SSBP2: variants seen among roughly 807,000 people sequenced by gnomAD.
The protein encoded by SSBP2 is single stranded DNA binding protein 2.
Under a neutral mutation model 61.8 loss-of-function variants are expected in SSBP2, and 17 were observed. The ratio of observed to expected loss-of-function variants is 0.28; its 90% confidence interval spans 0.19 to 0.41. The LOEUF is 0.41. Among genes scored for constraint, SSBP2 ranks in the 10% least tolerant of loss-of-function variants. The pLI, the probability that SSBP2 is intolerant of heterozygous loss-of-function variation, is 1.00. For missense variants in SSBP2, 310 were observed against 458.7 expected, an observed-to-expected ratio of 0.68 and a Z score of 2.96; for synonymous variants, 139 against 141.3, an observed-to-expected ratio of 0.98 and a Z score of 0.12.
At chr5:81,594,543 T>C (rs1394463547) in intron 4 of SSBP2, among the ~76,000 whole-genome samples, 1 of 152,206 alleles carries the variant, frequency 6.6e-6, no homozygotes, top group Non-Finnish European at 1.5e-5. Context: ...ATATACATTC[T>C]TTTCAGCACC....
intron 4 of SSBP2, among the ~76,000 whole-genome samples, chr5:81,576,450 A>G (rs1774223131): frequency 1.3e-5 from 2 of 152,080 alleles, no homozygotes; most frequent in South Asian, 4.1e-4. Context: ...TATCATTATT[A>G]TCCTTATTTT....
intron 5 of SSBP2, among the ~76,000 whole-genome samples, chr5:81,510,718 G>A (rs1167399766): frequency 6.6e-6 from 1 of 151,372 alleles, no homozygotes; most frequent in Non-Finnish European, 1.5e-5. Flanking sequence ...CCGAGATCAC[G>A]CCACTGCACT....
At chr5:81,654,137 AT>A (rs796636762) in intron 1 of SSBP2, among the ~76,000 whole-genome samples, 4 of 151,592 alleles carry the variant, frequency 2.6e-5, no homozygotes, top group African/African-American at 4.8e-5. Flanking sequence ...CTAATTTTTA[AT>A]TTTTTTGGTA....
intron 15 of SSBP2, among the ~76,000 whole-genome samples, chr5:81,434,719 G>GA (rs980612694): frequency 4.6e-4 from 67 of 147,072 alleles, no homozygotes; most frequent in African/African-American, 1.4e-3. Flanking sequence ...AAAATTACTC[G>GA]AAAAAAACAG....
chr5:81,602,754 T>C (rs10514221), intron 4 of SSBP2, among the ~76,000 whole-genome samples: 7,875 of 152,230 alleles, frequency 0.052, 378 homozygotes, highest in African/African-American at 0.12. Flanking sequence ...GCTGACACTT[T>C]AGATATTCTG....
chr5:81,581,188 T>C (rs928162442), intron 4 of SSBP2, among the ~76,000 whole-genome samples: 1 of 152,126 alleles, frequency 6.6e-6, no homozygotes. Flanking sequence ...AGAAGAACAG[T>C]GGGCAAGGTA....
At chr5:81,544,401 G>C (rs1015249476) in intron 4 of SSBP2, among the ~76,000 whole-genome samples, 1 of 152,052 alleles carries the variant, frequency 6.6e-6, no homozygotes, top group African/African-American at 2.4e-5. Flanking sequence ...AGGCAATCAG[G>C]CATCTTTTTA....
chr5:81,502,194 A>G (rs528627757), intron 5 of SSBP2, among the ~76,000 whole-genome samples: 1 of 152,210 alleles, frequency 6.6e-6, no homozygotes, highest in South Asian at 2.1e-4. Context: ...GCCACTAATG[A>G]CTTCCTTGTT....
intron 13 of SSBP2, 147 bp from the exon 14 acceptor site, chr5:81,440,783 CT>C: frequency 1.7e-6 from 1 of 594,984 alleles, no homozygotes; most frequent in South Asian, 2.2e-5. Flanking sequence ...GTTTTTCAGC[CT>C]TGTGGATTCT....
chr5:81,518,972 T>G (rs528507921), intron 4 of SSBP2, among the ~76,000 whole-genome samples: 3 of 152,172 alleles, frequency 2.0e-5, no homozygotes, highest in African/African-American at 7.2e-5. Flanking sequence ...TCATGCATGA[T>G]GCATTTAATA....
rs1486009518 is a variant in SSBP2 at position 81,413,380 on chromosome 5, A to G, written c.*7124T>C. The G allele has an allele frequency of 1.3e-5, 2 of 152,234 alleles. No homozygotes were observed. Among genetic ancestry groups the G allele is most frequent in the Admixed American group, 1.3e-4 (2 of 15,280 alleles). 9.4% of individuals were successfully genotyped at this position (152,234 alleles called of 1,614,324 possible). A position where few individuals can be genotyped will look rare whatever the true frequency, so the allele number is the denominator to read the frequency against. ...TGGTGGCCATCGTTGAATTAAGAAT[A>G]GTAGATTACTAAGAGTCATCCCAGA... On this transcript the variant is annotated 3_prime_UTR_variant, in exon 17 of 17. Transcript: ENST00000320672.
chr5:81,546,781 G>A (rs1462023903), intron 4 of SSBP2, among the ~76,000 whole-genome samples: 1 of 151,656 alleles, frequency 6.6e-6, no homozygotes, highest in Non-Finnish European at 1.5e-5. Flanking sequence ...TGAATTTATT[G>A]ATCAATGATT....
rs533410369 is a variant in SSBP2 at position 81,607,165 on chromosome 5, T to C, written c.282+8308A>G. ...TGACCTCATTTCTAAGATATTTTCC[T>C]TTATTTTCCCTTCTCATATCTATCT... is the stretch of plus-strand genomic sequence containing the variant. On this transcript the variant is annotated intron_variant, in intron 4 of 16. Transcript: ENST00000320672. Among the ~76,000 whole-genome samples the C allele has an allele frequency of 3.9e-5, 6 of 152,270 alleles. No individual in the cohort carries two copies. The South Asian group carries it at 1.0e-3, about 26-fold the overall frequency.
intron 8 of SSBP2, among the ~76,000 whole-genome samples, chr5:81,469,179 C>T (rs1449036738): frequency 6.6e-6 from 1 of 151,886 alleles, no homozygotes; most frequent in Non-Finnish European, 1.5e-5. Context: ...GCCCCATTGC[C>T]TCTGCATCTC....
chr5:81,481,613 T>A, intron 6 of SSBP2, among the ~76,000 whole-genome samples: 2 of 129,574 alleles, frequency 1.5e-5, no homozygotes, highest in African/African-American at 3.2e-5. Flanking sequence ...AGAGTGAAAC[T>A]ACATCTAAAA....
At chr5:81,602,948 A>G (rs1744519359) in intron 4 of SSBP2, among the ~76,000 whole-genome samples, 1 of 152,104 alleles carries the variant, frequency 6.6e-6, no homozygotes, top group Admixed American at 6.6e-5. Flanking sequence ...ATCAGTCTCC[A>G]TGAGTCCCTT....
chr5:81,627,650 ATAATC>A (rs938791381), intron 3 of SSBP2, among the ~76,000 whole-genome samples: 3 of 152,222 alleles, frequency 2.0e-5, no homozygotes, highest in African/African-American at 4.8e-5. Flanking sequence ...AATTCTTAGA[ATAATC>A]TTATATTTTA....
rs201516340 is a variant in SSBP2 at position 81,669,774 on chromosome 5, TTTTTTG to T, written c.63-19441_63-19436del. Among the ~76,000 whole-genome samples the T allele has an allele frequency of 9.9e-3, 1,508 of 151,918 alleles. 16 individuals are homozygous for T. Among genetic ancestry groups the T allele is most frequent in the African/African-American group, 0.034 (1,407 of 41,400 alleles). ...GCACGTTCTGCACATGTATCCCCTT[TTTTTTG>T]TTTTTAAAGAAGAAATGAAGAAAAA... On this transcript the variant is annotated intron_variant, in intron 1 of 16. Coordinates refer to ENST00000320672, the MANE Select transcript of SSBP2 (RefSeq NM_012446.5).
At position 81,749,130 on chromosome 5, in the gene SSBP2, A is replaced by C. The variant is rs1460474133; in HGVS notation, c.62+1851T>G. 2.0e-5 allele frequency among the ~76,000 whole-genome samples: 3 copies of C among 152,234 alleles called. No individual in the cohort carries two copies. The East Asian group carries it at 5.8e-4, about 29-fold the overall frequency. On this transcript the variant is annotated intron_variant, in intron 1 of 16. Coordinates refer to ENST00000320672, the MANE Select transcript of SSBP2 (RefSeq NM_012446.5). The stretch of plus-strand genomic sequence containing the variant: ...ATGTTTTTATCAGGCACATTATAAC[A>C]AAATGATTAATGCACACAAATGAGA...
Sources: allele counts gnomAD v4.1 joint callset (sites outside exome capture counted in the v4.1 genomes callset), GRCh38; gene constraint gnomAD v4.1.1; transcripts MANE v1.5; gene names NCBI Gene and HGNC (gene_info 2026-07-23, HGNC 2026-07-21).